The following MPZL3 variants were observed in gnomAD, a reference collection of about 807,000 sequenced individuals.
MPZL3 encodes myelin protein zero like 3.
Under a neutral mutation model 24.8 loss-of-function variants are expected in MPZL3, and 23 were observed. The observed-to-expected ratio is 0.93, with a 90% CI of 0.67 to 1.31. The LOEUF is 1.31. Ranked by LOEUF, MPZL3 falls within the 40% of genes most tolerant of loss-of-function variation. MPZL3 has a pLI of 0.00. For synonymous variants in MPZL3, 99 were observed against 106.5 expected (o/e 0.93, Z 0.44); for missense variants, 277 against 294.9 (o/e 0.94, Z 0.44).
At position 118,246,585 on chromosome 11, in the gene MPZL3, C is replaced by CTTTTTT. The variant is rs71301655; in HGVS notation, c.73+5631_73+5636dup. Among the ~76,000 whole-genome samples, 197 of 123,226 alleles carry CTTTTTT rather than the reference C, an allele frequency of 1.6e-3. 7 individuals are homozygous for CTTTTTT. The highest frequency in any genetic ancestry group is 5.7e-3 in the African/African-American group (175 of 30,750). The allele number at this position is 123,226 out of a possible 152,430, so 80.8% of individuals were successfully genotyped here. On this transcript the variant is annotated intron_variant, in intron 1 of 5. Transcript: ENST00000278949. ...CACTTTTCTTTTCTTTTTTTCTTTT[C>CTTTTTT]TTTTTTTTTTTTTTTTTGAGACAGG...
intron 4 of MPZL3, among the ~76,000 whole-genome samples, chr11:118,235,092 A>G (rs1949405353): frequency 6.6e-6 from 1 of 152,198 alleles, no homozygotes; most frequent in African/African-American, 2.4e-5. Context: ...TCAGTGCCAA[A>G]TACAAGGTGA....
chr11:118,246,172 G>C (rs1383266482), intron 1 of MPZL3, among the ~76,000 whole-genome samples: 1 of 152,066 alleles, frequency 6.6e-6, no homozygotes, highest in East Asian at 1.9e-4. Flanking sequence ...TTAAACACTG[G>C]TGTTCCTCAG....
At chr11:118,240,506 G>A in intron 1 of MPZL3, 129 bp from the exon 2 acceptor site, 1 of 884,000 alleles carries the variant, frequency 1.1e-6, no homozygotes, top group South Asian at 1.8e-5. Flanking sequence ...TATCTTCTCA[G>A]GCAAGCCCAC....
intron 3 of MPZL3, 66 bp downstream of exon 3, chr11:118,236,984 G>T: frequency 7.2e-7 from 1 of 1,395,536 alleles, no homozygotes; most frequent in Non-Finnish European, 1.0e-6. Context: ...TTATCATCGA[G>T]CTCTCCAGAA....
chr11:118,229,671 G>C lies in MPZL3; in HGVS notation c.*223C>G. 1 of 426,230 alleles carries C rather than the reference G, an allele frequency of 2.3e-6. No individual in the cohort carries two copies. The allele number at this position is 426,230 out of a possible 1,614,324, so 26.4% of individuals were successfully genotyped here. On this transcript the variant is annotated 3_prime_UTR_variant, in exon 6 of 6. Coordinates refer to ENST00000278949, the MANE Select transcript of MPZL3 (RefSeq NM_198275.3). ...CAATTACAGCATAATTCATTGAAAG[G>C]GGAAGTCATGAGTCTCTTATGAGAG...
In MPZL3 at chr11:118,227,501, A is replaced by G. The variant is rs765863123; in HGVS notation, c.*2393T>C. The G allele has an allele frequency of 6.6e-6, 1 of 152,246 alleles. No homozygotes were observed. Among genetic ancestry groups the G allele is most frequent in the Non-Finnish European group, 1.5e-5 (1 of 68,046 alleles). 9.4% of individuals were successfully genotyped at this position (152,246 alleles called of 1,614,324 possible). On this transcript the variant is annotated 3_prime_UTR_variant, in exon 6 of 6. Coordinates refer to ENST00000278949, the MANE Select transcript of MPZL3 (RefSeq NM_198275.3). ...AAAAAGCTGTAACCCAAATCTCAGT[A>G]TAAGGGATGAAGAAGGAAAATGATA...
intron 1 of MPZL3, among the ~76,000 whole-genome samples, chr11:118,251,192 T>A: frequency 6.6e-6 from 1 of 151,794 alleles, no homozygotes; most frequent in Non-Finnish European, 1.5e-5. Context: ...TGCAAAGTAA[T>A]TTAGCTTAAA....
chr11:118,243,272 C>T (rs566265656), intron 1 of MPZL3, among the ~76,000 whole-genome samples: 1 of 152,282 alleles, frequency 6.6e-6, no homozygotes, highest in South Asian at 2.1e-4. Flanking sequence ...ATGCAACCTC[C>T]AAACCCCTCA....
chr11:118,240,079 C>A, intron 2 of MPZL3, 132 bp downstream of exon 2: 3 of 848,204 alleles, frequency 3.5e-6, no homozygotes, highest in Non-Finnish European at 5.2e-6. Flanking sequence ...GATAAAAGTT[C>A]ATCTATCTCT....
intron 1 of MPZL3, among the ~76,000 whole-genome samples, chr11:118,251,271 T>C (rs553265516): frequency 6.6e-6 from 1 of 152,174 alleles, no homozygotes; most frequent in East Asian, 1.9e-4. Flanking sequence ...TGAATATTAG[T>C]CACCAGTTAA....
chr11:118,234,228 A>C (rs1010620199), intron 4 of MPZL3, among the ~76,000 whole-genome samples: 3 of 152,210 alleles, frequency 2.0e-5, no homozygotes, highest in African/African-American at 7.2e-5. Flanking sequence ...TGAAGGGCTC[A>C]TGATGGGGGT....
chr11:118,232,061 G>A (rs1949359838), intron 5 of MPZL3, among the ~76,000 whole-genome samples: 1 of 152,174 alleles, frequency 6.6e-6, no homozygotes, highest in Non-Finnish European at 1.5e-5. Context: ...GGTTCTGTAA[G>A]ATCTAGCTGC....
chr11:118,250,198 A>ATT (rs1949603605), intron 1 of MPZL3, among the ~76,000 whole-genome samples: 1 of 70,656 alleles, frequency 1.4e-5, no homozygotes, highest in African/African-American at 5.3e-5. Flanking sequence ...TTTTTTTTGT[A>ATT]TTTTTTGGTA....
At chr11:118,241,971 C>T (rs1332018924) in intron 1 of MPZL3, among the ~76,000 whole-genome samples, 2 of 152,166 alleles carry the variant, frequency 1.3e-5, no homozygotes, top group Non-Finnish European at 2.9e-5. Flanking sequence ...TCCCTCAGTC[C>T]CCACTTTCTT....
intron 4 of MPZL3, among the ~76,000 whole-genome samples, chr11:118,234,431 A>G (rs1420465662): frequency 6.6e-6 from 1 of 152,152 alleles, no homozygotes; most frequent in Non-Finnish European, 1.5e-5. Flanking sequence ...CAGGCAAACA[A>G]GAGAAGGAAA....
chr11:118,234,991 T>C (rs1949404275), intron 4 of MPZL3, among the ~76,000 whole-genome samples: 1 of 152,156 alleles, frequency 6.6e-6, no homozygotes, highest in Non-Finnish European at 1.5e-5. Context: ...CAAGAATAGA[T>C]CTCGCTTATT....
intron 1 of MPZL3, among the ~76,000 whole-genome samples, chr11:118,248,138 C>G (rs1329441127): frequency 7.3e-6 from 1 of 137,562 alleles, no homozygotes; most frequent in Admixed American, 8.2e-5. Context: ...TGCAGTGGCG[C>G]GATCTTGGCT....
At chr11:118,231,654 C>A (rs1292583686) in intron 5 of MPZL3, among the ~76,000 whole-genome samples, 2 of 152,192 alleles carry the variant, frequency 1.3e-5, no homozygotes, top group African/African-American at 4.8e-5. Context: ...CCACAGACTT[C>A]CACATATTAG....
chr11:118,233,548 C>T lies in MPZL3; in HGVS notation c.618-25G>A, dbSNP rs760548545. On this transcript the variant is annotated intron_variant, in intron 4 of 5. Transcript: ENST00000278949. ...GCTGTAAAAAGAGGACAAACCAAAT[C>T]TGAATCACCACTATCCTCAATAGAG... The T allele has an allele frequency of 3.1e-6, 5 of 1,611,378 alleles. No individual in the cohort carries two copies. In the South Asian group the frequency reaches 5.5e-5, roughly 18 times the overall value.
Sources: allele counts gnomAD v4.1 joint callset (sites outside exome capture counted in the v4.1 genomes callset), GRCh38; gene constraint gnomAD v4.1.1; transcripts MANE v1.5; gene names NCBI Gene and HGNC (gene_info 2026-07-23, HGNC 2026-07-21).